The following ASIC2 variants were observed in gnomAD, a reference collection of about 807,000 sequenced individuals.
The protein encoded by ASIC2 is acid sensing ion channel subunit 2, also known as acid-sensing ion channel 2.
In ASIC2, 25 loss-of-function variants were observed where a neutral mutation model predicts 57.3. That is an observed-to-expected ratio of 0.44 (90% CI 0.32 to 0.61). The LOEUF (loss-of-function observed/expected upper bound fraction) is 0.61. ASIC2 is among the 20% of genes least tolerant of loss of function. ASIC2 has a pLI of 0.06. For synonymous variants in ASIC2, 319 were observed against 307.5 expected, an observed-to-expected ratio of 1.04 and a Z score of -0.39; for missense variants, 641 against 738.1, an observed-to-expected ratio of 0.87 and a Z score of 1.52.
At chr17:33,799,354 C>T (rs191031451) in intron 1 of ASIC2, among the ~76,000 whole-genome samples, 1,295 of 126,474 alleles carry the variant, frequency 0.01, 24 homozygotes, top group Middle Eastern at 0.02. Context: ...CTCTCTTTCT[C>T]TTTCTTTCTT....
intron 1 of ASIC2, among the ~76,000 whole-genome samples, chr17:34,139,426 C>T (rs181401937): frequency 8.5e-5 from 13 of 152,194 alleles, no homozygotes; most frequent in African/African-American, 1.7e-4. Flanking sequence ...CAACACTAAA[C>T]GATGTATGAA....
intron 1 of ASIC2, among the ~76,000 whole-genome samples, chr17:33,516,727 T>C (rs946835545): frequency 5.3e-5 from 8 of 152,154 alleles, no homozygotes; most frequent in African/African-American, 1.4e-4. Context: ...TCCTTGGAGG[T>C]GCCTGGCTTA....
chr17:33,241,319 A>G (rs1030678365), intron 1 of ASIC2, among the ~76,000 whole-genome samples: 46 of 152,238 alleles, frequency 3.0e-4, no homozygotes, highest in African/African-American at 1.1e-3. Flanking sequence ...GACTCTAGAG[A>G]AGGAGATGCT....
At chr17:33,169,147 C>G (rs1357230597) in intron 1 of ASIC2, among the ~76,000 whole-genome samples, 1 of 152,170 alleles carries the variant, frequency 6.6e-6, no homozygotes, top group Non-Finnish European at 1.5e-5. Context: ...AGCTATGGCT[C>G]AAGTGGGCCC....
chr17:33,082,785 C>T (rs914744319), intron 3 of ASIC2, among the ~76,000 whole-genome samples: 4 of 152,080 alleles, frequency 2.6e-5, no homozygotes, highest in African/African-American at 9.7e-5. Context: ...GTGATGTCAA[C>T]GTTGAAGACA....
intron 1 of ASIC2, among the ~76,000 whole-genome samples, chr17:33,176,696 T>A (rs1310495577): frequency 6.6e-6 from 1 of 152,210 alleles, no homozygotes; most frequent in Non-Finnish European, 1.5e-5. Flanking sequence ...TTGATTTTGA[T>A]GACAATTCAG....
chr17:33,712,102 A>C (rs1196681834), intron 1 of ASIC2, among the ~76,000 whole-genome samples: 2 of 152,198 alleles, frequency 1.3e-5, no homozygotes, highest in Non-Finnish European at 2.9e-5. Flanking sequence ...CCTTTGGAGA[A>C]GTTACTGAGT....
intron 3 of ASIC2, among the ~76,000 whole-genome samples, chr17:33,049,756 A>C (rs2091968090): frequency 6.6e-6 from 1 of 152,216 alleles, no homozygotes; most frequent in Non-Finnish European, 1.5e-5. Context: ...GGGAGTTTTA[A>C]ATGAGATTAA....
chr17:33,068,565 A>AAAACAAACCC (rs2092054075), intron 3 of ASIC2, among the ~76,000 whole-genome samples: 2 of 151,428 alleles, frequency 1.3e-5, no homozygotes, highest in African/African-American at 4.9e-5. Flanking sequence ...AAAACAAAAC[A>AAAACAAACCC]AACCCAAAAT....
intron 1 of ASIC2, among the ~76,000 whole-genome samples, chr17:33,911,243 G>A (rs1319059907): frequency 2.0e-5 from 3 of 152,174 alleles, no homozygotes; most frequent in Non-Finnish European, 4.4e-5. Flanking sequence ...CTACAAATGA[G>A]CGTATCAGTT....
At chr17:33,569,200 G>A (rs1193581283) in intron 1 of ASIC2, 1 of 152,240 alleles carries the variant, frequency 6.6e-6, no homozygotes, top group Non-Finnish European at 1.5e-5. Context: ...TCAATGCCGT[G>A]ATAATAAGGC....
chr17:34,031,890 T>G (rs1907628938), intron 1 of ASIC2, among the ~76,000 whole-genome samples: 1 of 152,284 alleles, frequency 6.6e-6, no homozygotes, highest in African/African-American at 2.4e-5. Flanking sequence ...GTCTGATTGA[T>G]TTACCTGAAA....
chr17:34,151,105 GAAAAAAAAA>G (rs56803983), intron 1 of ASIC2, among the ~76,000 whole-genome samples: 1 of 125,300 alleles, frequency 8.0e-6, no homozygotes, highest in African/African-American at 2.8e-5. Flanking sequence ...TCCATCTCAA[GAAAAAAAAA>G]AAAAAAAAAA....
intron 1 of ASIC2, among the ~76,000 whole-genome samples, chr17:33,563,922 C>T (rs948529017): frequency 5.9e-5 from 9 of 152,126 alleles, no homozygotes; most frequent in Non-Finnish European, 1.3e-4. Context: ...AGAGCCAAGT[C>T]TGCATTTGAC....
intron 3 of ASIC2, among the ~76,000 whole-genome samples, chr17:33,076,787 A>T (rs1316837290): frequency 6.6e-6 from 1 of 152,168 alleles, no homozygotes; most frequent in Non-Finnish European, 1.5e-5. Context: ...GGGGTGGGGG[A>T]AATGCATAGG....
chr17:34,135,198 C>T lies in ASIC2; in HGVS notation c.555+20780G>A, dbSNP rs79632869. On this transcript the variant is annotated intron_variant, in intron 1 of 9. Transcript: ENST00000359872. Reference sequence around the variant, plus strand: ...GTTCTGGCCAGCAAAGCCCAGCCAGCGATGGCCTGGTCAGCCTACACCAAA... The same window carrying T: ...GTTCTGGCCAGCAAAGCCCAGCCAGTGATGGCCTGGTCAGCCTACACCAAA... 4.1e-3 allele frequency among the ~76,000 whole-genome samples: 626 copies of T among 152,378 alleles called. 2 individuals are homozygous for T. The highest frequency in any genetic ancestry group is 0.014 in the African/African-American group (590 of 41,584).
At chr17:33,318,331 C>A (rs2142212695) in intron 1 of ASIC2, among the ~76,000 whole-genome samples, 1 of 152,244 alleles carries the variant, frequency 6.6e-6, no homozygotes, top group South Asian at 2.1e-4. Context: ...GGGTTCCAGG[C>A]TGCCTGCTAC....
Position 33,634,451 on chromosome 17 carries a change from C to T in ASIC2, c.555+521527G>A, listed in dbSNP as rs1906278846. ...CATTCAAAAAAGCATTAACTACTTT[C>T]CTGCCACATGCTAGCCTATGAGGCT... On this transcript the variant is annotated intron_variant, in intron 1 of 9. Coordinates refer to the ASIC2 transcript ENST00000359872. 2.0e-5 allele frequency among the ~76,000 whole-genome samples: 3 copies of T among 152,094 alleles called. No homozygotes were observed. In the South Asian group the frequency reaches 6.2e-4, roughly 32 times the overall value.
At chr17:33,295,445 C>G (rs1037526806), upstream of ASIC2, among the ~76,000 whole-genome samples, 3 of 152,180 alleles carry the variant, frequency 2.0e-5, no homozygotes, top group Admixed American at 6.5e-5. Flanking sequence ...TTTGACCAGC[C>G]CAGTGAAATT....
Sources: allele counts gnomAD v4.1 joint callset (sites outside exome capture counted in the v4.1 genomes callset), GRCh38; gene constraint gnomAD v4.1.1; transcripts MANE v1.5; gene names NCBI Gene and HGNC (gene_info 2026-07-23, HGNC 2026-07-21).